The following DPY30 variants were observed in gnomAD, a reference collection of about 807,000 sequenced individuals.
DPY30 encodes the protein dpy-30 histone methyltransferase complex regulatory subunit.
A neutral mutation model predicts 16.2 loss-of-function variants in DPY30; 6 were observed. That is an observed-to-expected ratio of 0.37 (90% confidence interval 0.20 to 0.73). DPY30 has a LOEUF of 0.73. Ranked by LOEUF, DPY30 falls within the 30% of genes least tolerant of loss-of-function variation. The pLI is 0.51. For missense variants in DPY30, 73 were observed against 113.1 expected (o/e 0.65, Z 1.61); for synonymous variants, 39 against 38.8 (o/e 1.00, Z -0.02).
Position 32,039,399 on chromosome 2 carries a change from T to C in DPY30, c.36+22A>G, listed in dbSNP as rs776497377. ...GCTGCCTCCCTGCACACCGCCACCC[T>C]GAATCCACGGCCTCCTGATACCTGC... On this transcript the variant is annotated intron_variant, in intron 2 of 4. Transcript: ENST00000342166. The C allele has an allele frequency of 2.5e-6, 4 of 1,614,122 alleles. No individual in the cohort carries two copies. The South Asian group carries it at 3.3e-5, about 13-fold the overall frequency.
chr2:32,017,045 G>C (rs1675079389), intron 5 of DPY30, among the ~76,000 whole-genome samples: 1 of 151,840 alleles, frequency 6.6e-6, no homozygotes, highest in African/African-American at 2.4e-5. Flanking sequence ...ACCACACCCG[G>C]CTAATTTTTG....
chr2:32,026,967 G>A (rs1675355361), intron 4 of DPY30, among the ~76,000 whole-genome samples: 3 of 146,750 alleles, frequency 2.0e-5, no homozygotes, highest in Admixed American at 6.8e-5. Context: ...AGTGAGAAGG[G>A]CGAAAAGAGT....
chr2:32,028,596 A>C (rs1234763238), intron 4 of DPY30, among the ~76,000 whole-genome samples: 1 of 152,132 alleles, frequency 6.6e-6, no homozygotes, highest in African/African-American at 2.4e-5. Context: ...AGGTCAAGAG[A>C]TCGAGATCAT....
At chr2:32,029,900 A>G (rs1017528478) in intron 3 of DPY30, among the ~76,000 whole-genome samples, 164 bp from the exon 4 acceptor site, 2 of 152,138 alleles carry the variant, frequency 1.3e-5, no homozygotes, top group African/African-American at 4.8e-5. Flanking sequence ...ATTCAGACCC[A>G]TCTTTCAATC....
Position 32,029,713 on chromosome 2 carries a change from A to G in DPY30, c.108T>C (p.Ile36=), listed in dbSNP as rs751785356. Residue 36 remains isoleucine, a synonymous_variant, in exon 4 of 5, where the codon ATT becomes ATC. Coordinates refer to ENST00000342166, the MANE Select transcript of DPY30 (RefSeq NM_001321209.2). ...NVERIVENEK[I]NAEKSSKQKV... ...TCTGCTTTGATGACTTTTCTGCATTAATCTTCTCATTTTCTACTATTCTCT... is the reference window on the plus strand; with the variant it reads ...TCTGCTTTGATGACTTTTCTGCATTGATCTTCTCATTTTCTACTATTCTCT... 1.2e-6 allele frequency: 2 copies of G among 1,614,110 alleles called. No homozygotes were observed. Among genetic ancestry groups the G allele is most frequent in the Non-Finnish European group, 1.7e-6 (2 of 1,180,008 alleles).
chr2:32,017,818 G>A (rs1002153289), intron 5 of DPY30, among the ~76,000 whole-genome samples: 3 of 152,162 alleles, frequency 2.0e-5, no homozygotes, highest in Admixed American at 2.0e-4. Flanking sequence ...TGGTCTGAAT[G>A]CTGTGTTCCC....
intron 5 of DPY30, among the ~76,000 whole-genome samples, chr2:32,017,321 T>G (rs1675084388): frequency 6.6e-6 from 1 of 152,100 alleles, no homozygotes; most frequent in Non-Finnish European, 1.5e-5. Context: ...GGCTCCACTC[T>G]TTAAGAAACT....
chr2:32,017,179 G>A (rs1166350824), intron 5 of DPY30, among the ~76,000 whole-genome samples: 1 of 151,872 alleles, frequency 6.6e-6, no homozygotes, highest in African/African-American at 2.4e-5. Flanking sequence ...CACGGCGCCC[G>A]GCCATATAGT....
downstream of DPY30, among the ~76,000 whole-genome samples, chr2:32,022,426 A>G (rs1457972657): frequency 1.3e-5 from 2 of 152,144 alleles, no homozygotes; most frequent in Non-Finnish European, 2.9e-5. Context: ...AATACCTCCC[A>G]TAAGTGTCAG....
intron 3 of DPY30, among the ~76,000 whole-genome samples, chr2:32,033,036 C>T (rs1029012654): frequency 5.3e-5 from 8 of 151,324 alleles, no homozygotes; most frequent in East Asian, 1.9e-4. Flanking sequence ...TTTGGCAGGG[C>T]GCGGTGGCTC....
Position 32,012,419 on chromosome 2 carries a change from C to CTTTTTTTTT in DPY30, n.378-376_378-368dup, listed in dbSNP as rs397984233. ...TGTATCCAAAACCTCTCTCTTTTTT[C>CTTTTTTTTT]TTTTTTTTTTTTTTTTTTTTTTTTT... On this transcript the variant is annotated intron_variant and non_coding_transcript_variant, in intron 5 of 5. Coordinates refer to the DPY30 transcript ENST00000414013. Among the ~76,000 whole-genome samples the CTTTTTTTTT allele has an allele frequency of 6.4e-3, 525 of 81,742 alleles. 8 individuals are homozygous for CTTTTTTTTT. The highest frequency in any genetic ancestry group is 9.0e-3 in the Non-Finnish European group (373 of 41,522). 53.6% of individuals were successfully genotyped at this position (81,742 alleles called of 152,430 possible). A position where few individuals can be genotyped will look rare whatever the true frequency, so the allele number is the denominator to read the frequency against.
intron 3 of DPY30, among the ~76,000 whole-genome samples, chr2:32,030,811 T>C (rs1364186930): frequency 6.6e-6 from 1 of 151,740 alleles, no homozygotes; most frequent in Non-Finnish European, 1.5e-5. Context: ...AATAAATAAA[T>C]AAATCTATGA....
rs191111137 is a variant in DPY30 at position 32,039,098 on chromosome 2, A to G, written c.84+181T>C. ...ATCCTTTGACTCAAACGTAATTTGT[A>G]CGTCTGTACACCAAGAAGCATTAGT... On this transcript the variant is annotated intron_variant, in intron 3 of 4. Transcript: ENST00000342166. Among the ~76,000 whole-genome samples, 379 of 152,342 alleles carry G rather than the reference A, an allele frequency of 2.5e-3. 1 individual carries two copies. The highest frequency in any genetic ancestry group is 8.7e-3 in the African/African-American group (360 of 41,580).
At chr2:32,019,820 CAAAAA>C (rs1169379455), downstream of DPY30, among the ~76,000 whole-genome samples, 1,317 of 86,644 alleles carry the variant, frequency 0.015, 22 homozygotes, top group African/African-American at 0.047. Context: ...AACTCCGTCT[CAAAAA>C]AAAAAAAAAA....
At chr2:32,021,029 G>A (rs1420667901), downstream of DPY30, 1 of 152,192 alleles carries the variant, frequency 6.6e-6, no homozygotes, top group Non-Finnish European at 1.5e-5. Context: ...AGCACGTTGG[G>A]AGGCCGAGGC....
chr2:32,027,681 T>C (rs1675384050), intron 4 of DPY30, among the ~76,000 whole-genome samples: 1 of 141,066 alleles, frequency 7.1e-6, no homozygotes, highest in Non-Finnish European at 1.5e-5. Context: ...CAGGCTGGAG[T>C]GCAGTGGCGC....
At chr2:32,016,984 G>C (rs1221440594) in intron 5 of DPY30, among the ~76,000 whole-genome samples, 5 of 152,050 alleles carry the variant, frequency 3.3e-5, no homozygotes, top group Non-Finnish European at 7.4e-5. Context: ...CCGGGTTCAA[G>C]CGATTCTCCT....
At chr2:32,031,763 C>T (rs1012877857) in intron 3 of DPY30, among the ~76,000 whole-genome samples, 1 of 151,684 alleles carries the variant, frequency 6.6e-6, no homozygotes, top group Non-Finnish European at 1.5e-5. Flanking sequence ...CGTAGTAGTG[C>T]GCGCCTGTAA....
chr2:32,039,505 G>A lies in DPY30; in HGVS notation c.-36-13C>T. 1.9e-6 allele frequency: 3 copies of A among 1,613,486 alleles called. No individual in the cohort carries two copies. The highest frequency in any genetic ancestry group is 2.2e-5 in the South Asian group (2 of 91,068). ...CCCGGATACCAGTCTTGGAAAACAA[G>A]AAGAGCCGCGAGTTACCTGGGAGAT... On this transcript the variant is annotated splice_polypyrimidine_tract_variant and intron_variant, in intron 1 of 4. Transcript: ENST00000342166.
Sources: allele counts gnomAD v4.1 joint callset (sites outside exome capture counted in the v4.1 genomes callset), GRCh38; gene constraint gnomAD v4.1.1; transcripts MANE v1.5; gene names NCBI Gene and HGNC (gene_info 2026-07-23, HGNC 2026-07-21).